NRXN1: variants seen among roughly 807,000 people sequenced by gnomAD.
NRXN1 encodes the protein neurexin-1.
NRXN1 carries 39 observed loss-of-function variants against 150.9 expected under a neutral mutation model. That is an observed-to-expected ratio of 0.26 (90% CI 0.20 to 0.34). NRXN1 has a LOEUF of 0.34. Ranked by LOEUF, NRXN1 falls within the 10% of genes least tolerant of loss-of-function variation. NRXN1 has a pLI of 1.00. For missense variants in NRXN1, 1,815 were observed against 1,949.9 expected, an observed-to-expected ratio of 0.93 and a Z score of 1.30; for synonymous variants, 924 against 757.0, an observed-to-expected ratio of 1.22 and a Z score of -3.62.
intron 18 of NRXN1, among the ~76,000 whole-genome samples, chr2:50,150,451 A>C (rs1435056859): frequency 6.6e-6 from 1 of 151,768 alleles, no homozygotes; most frequent in Non-Finnish European, 1.5e-5. Flanking sequence ...TACTTTGTGC[A>C]AACCACTTAC....
chr2:50,807,716 C>T (rs1667692112), intron 5 of NRXN1, among the ~76,000 whole-genome samples: 1 of 152,146 alleles, frequency 6.6e-6, no homozygotes, highest in African/African-American at 2.4e-5. Flanking sequence ...CTTATCTTGG[C>T]GTTGTGTCAC....
chr2:50,325,656 C>T (rs984950106), intron 17 of NRXN1, among the ~76,000 whole-genome samples: 6 of 152,212 alleles, frequency 3.9e-5, no homozygotes, highest in African/African-American at 1.4e-4. Flanking sequence ...TATCTATCTT[C>T]ACTATTATTA....
At chr2:50,537,195 A>G (rs1412282828) in intron 10 of NRXN1, among the ~76,000 whole-genome samples, 1 of 152,190 alleles carries the variant, frequency 6.6e-6, no homozygotes, top group African/African-American at 2.4e-5. Flanking sequence ...TTTCAGGAAT[A>G]AAAAAGGGAA....
At chr2:50,610,079 C>G (rs1193421844) in intron 8 of NRXN1, among the ~76,000 whole-genome samples, 3 of 152,060 alleles carry the variant, frequency 2.0e-5, no homozygotes, top group African/African-American at 7.2e-5. Context: ...TTAACATGCA[C>G]AGAAATAATT....
intron 17 of NRXN1, among the ~76,000 whole-genome samples, chr2:50,373,082 C>G (rs935599350): frequency 1.3e-5 from 2 of 151,918 alleles, no homozygotes; most frequent in Non-Finnish European, 1.5e-5. Flanking sequence ...CTGCAAATCT[C>G]TACTTTACTC....
intron 5 of NRXN1, among the ~76,000 whole-genome samples, chr2:50,710,927 A>G (rs1695055688): frequency 6.6e-6 from 1 of 152,202 alleles, no homozygotes; most frequent in Non-Finnish European, 1.5e-5. Context: ...ATGTTAAATT[A>G]CAACCAGGTG....
chr2:50,019,158 A>C (rs1307369947), intron 21 of NRXN1: 1 of 470,708 alleles, frequency 2.1e-6, no homozygotes, highest in East Asian at 7.0e-5. Flanking sequence ...TACTCATCCT[A>C]TCCCTTTGCA....
chr2:50,678,530 C>T (rs78250746), intron 5 of NRXN1, among the ~76,000 whole-genome samples: 7 of 152,274 alleles, frequency 4.6e-5, no homozygotes, highest in East Asian at 3.9e-4. Context: ...CTGCCTTCAG[C>T]CATCTGTATC....
At chr2:50,450,034 A>C (rs1388551269) in intron 17 of NRXN1, among the ~76,000 whole-genome samples, 1 of 152,172 alleles carries the variant, frequency 6.6e-6, no homozygotes, top group African/African-American at 2.4e-5. Context: ...TGTTTTTTCT[A>C]CTGCACCTGA....
At chr2:50,537,836 A>C (rs2093299445) in intron 10 of NRXN1, among the ~76,000 whole-genome samples, 1 of 152,166 alleles carries the variant, frequency 6.6e-6, no homozygotes, top group South Asian at 2.1e-4. Context: ...GGAAGTTGCA[A>C]CTCATAGCTT....
intron 17 of NRXN1, among the ~76,000 whole-genome samples, chr2:50,257,612 G>A (rs2067830579): frequency 6.6e-6 from 1 of 151,934 alleles, no homozygotes; most frequent in Non-Finnish European, 1.5e-5. Context: ...AAGGGTAAGA[G>A]CCTAACCTCT....
At chr2:50,675,300 G>T (rs1343620164) in intron 5 of NRXN1, among the ~76,000 whole-genome samples, 2 of 152,128 alleles carry the variant, frequency 1.3e-5, no homozygotes, top group South Asian at 2.1e-4. Context: ...TGAATCAATA[G>T]ATTTTAAATT....
At chr2:50,043,349 TC>T (rs1445830006) in intron 21 of NRXN1, among the ~76,000 whole-genome samples, 16 of 152,218 alleles carry the variant, frequency 1.1e-4, no homozygotes, top group African/African-American at 3.6e-4. Context: ...CAGTGTCTTA[TC>T]TTCTATCTTG....
intron 17 of NRXN1, among the ~76,000 whole-genome samples, chr2:50,325,471 G>C (rs1158867028): frequency 6.6e-6 from 1 of 152,176 alleles, no homozygotes; most frequent in African/African-American, 2.4e-5. Flanking sequence ...GTGACAAGCA[G>C]TTTACATATC....
intron 18 of NRXN1, among the ~76,000 whole-genome samples, chr2:50,209,362 T>C (rs2062845414): frequency 6.6e-6 from 1 of 152,148 alleles, no homozygotes; most frequent in South Asian, 2.1e-4. Flanking sequence ...ATTTATGCAA[T>C]ACTTGTGGTG....
intron 5 of NRXN1, among the ~76,000 whole-genome samples, chr2:50,846,489 T>C (rs984821550): frequency 6.6e-6 from 1 of 152,336 alleles, no homozygotes; most frequent in African/African-American, 2.4e-5. Flanking sequence ...ACTGTGTTTG[T>C]CTTACTGTCT....
intron 15 of NRXN1, among the ~76,000 whole-genome samples, chr2:50,473,242 C>T (rs975321543): frequency 6.6e-5 from 10 of 151,760 alleles, no homozygotes; most frequent in Non-Finnish European, 1.5e-4. Flanking sequence ...AATCCGTTAA[C>T]AAATTTTCAA....
intron 8 of NRXN1, among the ~76,000 whole-genome samples, chr2:50,598,951 T>A (rs1338879417): frequency 6.6e-6 from 1 of 151,794 alleles, no homozygotes; most frequent in Non-Finnish European, 1.5e-5. Context: ...TTTGTACTTT[T>A]AGCAGAGACA....
chr2:50,922,695 G>A lies in NRXN1; in HGVS notation c.791-8C>T, dbSNP rs1357074032. On this transcript the variant is annotated splice_region_variant and splice_polypyrimidine_tract_variant and intron_variant, in intron 3 of 22. Coordinates refer to ENST00000401669, the MANE Select transcript of NRXN1 (RefSeq NM_001330078.2). ...TCATCAGGTGCGCCAGACCTTGAAG[G>A]GAAACAAGAGCACAGTCAGCAATAA... 7 of 1,610,140 alleles carry A rather than the reference G, an allele frequency of 4.3e-6. No individual in the cohort carries two copies. Among genetic ancestry groups the A allele is most frequent in the Non-Finnish European group, 4.2e-6 (5 of 1,177,964 alleles).
Sources: gnomAD v4.1 joint callset for allele counts (sites outside exome capture counted in the v4.1 genomes callset) on GRCh38, gnomAD v4.1.1 for gene constraint, MANE v1.5 for transcripts, NCBI Gene and HGNC (gene_info 2026-07-23, HGNC 2026-07-21) for gene names.